PPARGC1A: variants seen among roughly 807,000 people sequenced by gnomAD.
PPARGC1A encodes peroxisome proliferator-activated receptor gamma coactivator 1-alpha.
In PPARGC1A, 25 loss-of-function variants were observed where a neutral mutation model predicts 88.7. That is an observed-to-expected ratio of 0.28 (90% CI 0.21 to 0.39). The LOEUF (loss-of-function observed/expected upper bound fraction) is 0.39, where lower values mean the gene tolerates loss of function less well. PPARGC1A is among the 10% of genes least tolerant of loss of function. PPARGC1A has a pLI of 1.00. For missense variants in PPARGC1A, 880 were observed against 968.7 expected, an observed-to-expected ratio of 0.91 and a Z score of 1.22; for synonymous variants, 363 against 355.6, an observed-to-expected ratio of 1.02 and a Z score of -0.24.
the PPARGC1A span, among the ~76,000 whole-genome samples, chr4:24,412,880 A>G: frequency 6.6e-6 from 1 of 152,224 alleles, no homozygotes; most frequent in South Asian, 2.1e-4. Context: ...CCACTAGAAC[A>G]GTATAGCCTG....
At chr4:24,360,219 G>A in the PPARGC1A span, among the ~76,000 whole-genome samples, 5 of 152,044 alleles carry the variant, frequency 3.3e-5, no homozygotes, top group Non-Finnish European at 5.9e-5. Context: ...AGCCCACCAC[G>A]GTCCATTTTC....
At position 23,895,936 on chromosome 4, in the gene PPARGC1A, ATGTGTGTGTGTGTGTG is replaced by A. The variant is rs550243415; in HGVS notation, n.52+3315_52+3330del. On this transcript the variant is annotated intron_variant and non_coding_transcript_variant, in intron 1 of 3. Transcript: ENST00000507342. ...TGACCTGGTTCAATAAATTATAGAG[ATGTGTGTGTGTGTGTG>A]TGTGTGTGTGTGTGTGTGTGTGTGT... is the stretch of plus-strand genomic sequence containing the variant. 8.2e-3 allele frequency among the ~76,000 whole-genome samples: 1,067 copies of A among 130,714 alleles called. 4 individuals are homozygous for A. The highest frequency in any genetic ancestry group is 0.02 in the Middle Eastern group (5 of 254). 85.8% of individuals were successfully genotyped at this position (130,714 alleles called of 152,430 possible).
the PPARGC1A span, among the ~76,000 whole-genome samples, chr4:24,162,037 A>C: frequency 3.9e-5 from 6 of 151,952 alleles, no homozygotes; most frequent in Admixed American, 2.0e-4. Context: ...TCAGCCATAA[A>C]AAAGGAATGA....
At chr4:24,034,554 T>C in the PPARGC1A span, among the ~76,000 whole-genome samples, 1 of 152,198 alleles carries the variant, frequency 6.6e-6, no homozygotes. Context: ...GAAATAATAC[T>C]TTGAATTAGC....
At chr4:24,125,406 G>A in the PPARGC1A span, among the ~76,000 whole-genome samples, 12 of 152,016 alleles carry the variant, frequency 7.9e-5, no homozygotes, top group East Asian at 3.9e-4. Context: ...TTCTGATTAC[G>A]TAACCTGGAG....
the PPARGC1A span, among the ~76,000 whole-genome samples, chr4:24,457,417 T>C: frequency 6.6e-6 from 1 of 152,218 alleles, no homozygotes; most frequent in Non-Finnish European, 1.5e-5. Flanking sequence ...CACAAATATC[T>C]TTAAGATTTC....
the PPARGC1A span, among the ~76,000 whole-genome samples, chr4:23,960,895 A>G: frequency 2.6e-5 from 4 of 152,156 alleles, no homozygotes; most frequent in East Asian, 1.9e-4. Context: ...TGGTAAAACC[A>G]TGGTAGCTAG....
chr4:24,465,500 G>C, the PPARGC1A span, among the ~76,000 whole-genome samples: 1 of 152,204 alleles, frequency 6.6e-6, no homozygotes, highest in Non-Finnish European at 1.5e-5. Flanking sequence ...CGCTGGCAAA[G>C]TGTGATCATT....
chr4:24,181,511 T>C, the PPARGC1A span, among the ~76,000 whole-genome samples: 2 of 152,262 alleles, frequency 1.3e-5, no homozygotes, highest in South Asian at 4.1e-4. Flanking sequence ...TTGTAGGTAA[T>C]TATGATAATT....
chr4:23,918,227 T>C, the PPARGC1A span, among the ~76,000 whole-genome samples: 1 of 152,030 alleles, frequency 6.6e-6, no homozygotes, highest in Non-Finnish European at 1.5e-5. Flanking sequence ...TCTTTTTTTT[T>C]TCTTTTTTTT....
the PPARGC1A span, among the ~76,000 whole-genome samples, chr4:24,120,388 G>A: frequency 9.9e-5 from 15 of 152,250 alleles, no homozygotes; most frequent in East Asian, 2.9e-3. Context: ...AGAGACAATG[G>A]CATGATATTC....
the PPARGC1A span, among the ~76,000 whole-genome samples, chr4:24,211,307 C>T: frequency 6.6e-6 from 1 of 152,128 alleles, no homozygotes; most frequent in Non-Finnish European, 1.5e-5. Flanking sequence ...GTTCTGAACT[C>T]GTTTTCCGAT....
chr4:23,939,705 TCTAA>T, the PPARGC1A span, among the ~76,000 whole-genome samples: 1 of 152,150 alleles, frequency 6.6e-6, no homozygotes, highest in Non-Finnish European at 1.5e-5. Context: ...ATGGCTACCA[TCTAA>T]CTAACTATGC....
chr4:24,165,133 T>G, the PPARGC1A span, among the ~76,000 whole-genome samples: 8 of 152,116 alleles, frequency 5.3e-5, no homozygotes, highest in Admixed American at 5.2e-4. Context: ...ATTAGGACCC[T>G]TTTTCCATAA....
At chr4:24,153,626 G>A in the PPARGC1A span, among the ~76,000 whole-genome samples, 68 of 152,266 alleles carry the variant, frequency 4.5e-4, no homozygotes, top group Middle Eastern at 3.4e-3. Context: ...CAATCAGTCC[G>A]TAGTCCATAA....
chr4:23,986,422 AAG>A, the PPARGC1A span, among the ~76,000 whole-genome samples: 1 of 152,208 alleles, frequency 6.6e-6, no homozygotes, highest in African/African-American at 2.4e-5. Context: ...AGTTAAAAGT[AAG>A]AGTTAATAAG....
At chr4:24,210,814 A>G in the PPARGC1A span, among the ~76,000 whole-genome samples, 87 of 152,310 alleles carry the variant, frequency 5.7e-4, 1 homozygote, top group Admixed American at 1.2e-3. Flanking sequence ...AGCAGGCGGG[A>G]GCTGCGGCGC....
At chr4:24,214,649 G>C in the PPARGC1A span, among the ~76,000 whole-genome samples, 4 of 152,170 alleles carry the variant, frequency 2.6e-5, no homozygotes, top group Non-Finnish European at 5.9e-5. Context: ...GCCGCCTTCA[G>C]TCTTGCCCTC....
At chr4:24,452,281 A>C in the PPARGC1A span, among the ~76,000 whole-genome samples, 5 of 149,964 alleles carry the variant, frequency 3.3e-5, no homozygotes, top group African/African-American at 9.9e-5. Context: ...ACACACACAC[A>C]CGCACACATG....
Sources: allele counts gnomAD v4.1 joint callset (sites outside exome capture counted in the v4.1 genomes callset), GRCh38; gene constraint gnomAD v4.1.1; transcripts MANE v1.5; gene names NCBI Gene and HGNC (gene_info 2026-07-23, HGNC 2026-07-21).